Variants in CALCOCO2 observed in about 807,000 individuals in gnomAD.
CALCOCO2 encodes calcium binding and coiled-coil domain 2.
A neutral mutation model predicts 62.5 loss-of-function variants in CALCOCO2; 42 were observed. That is an observed-to-expected ratio of 0.67 (90% CI 0.53 to 0.87). CALCOCO2 has a LOEUF of 0.87. Ranked by LOEUF, CALCOCO2 falls within the 40% of genes least tolerant of loss-of-function variation. CALCOCO2 has a pLI of 0.00. For missense variants in CALCOCO2, 456 were observed against 515.0 expected (o/e 0.89, Z 1.11); for synonymous variants, 167 against 173.0 (o/e 0.97, Z 0.27).
chr17:48,839,720 A>G (rs1025560750), intron 1 of CALCOCO2, among the ~76,000 whole-genome samples: 22 of 113,748 alleles, frequency 1.9e-4, no homozygotes, highest in African/African-American at 7.4e-4. Flanking sequence ...CTTCTTGCCC[A>G]GGCTAGAGTG....
chr17:48,846,071 C>T (rs759588702), intron 2 of CALCOCO2: 1 of 1,472,728 alleles, frequency 6.8e-7, no homozygotes, highest in South Asian at 1.2e-5. Flanking sequence ...CTCATCACCC[C>T]AGACACTGGT....
At chr17:48,835,014 C>T (rs1396257268) in intron 1 of CALCOCO2, among the ~76,000 whole-genome samples, 1 of 151,540 alleles carries the variant, frequency 6.6e-6, no homozygotes, top group Non-Finnish European at 1.5e-5. Context: ...CCACTGTACT[C>T]CAGCCTGGGT....
chr17:48,847,305 C>T (rs1312547900), intron 2 of CALCOCO2, among the ~76,000 whole-genome samples: 1 of 152,050 alleles, frequency 6.6e-6, no homozygotes, highest in African/African-American at 2.4e-5. Flanking sequence ...CAATAGAGGA[C>T]ACACCAATAG....
At chr17:48,837,587 A>G (rs1450842490) in intron 1 of CALCOCO2, among the ~76,000 whole-genome samples, 3 of 152,138 alleles carry the variant, frequency 2.0e-5, no homozygotes, top group Non-Finnish European at 4.4e-5. Flanking sequence ...CGGAGGTTGC[A>G]GTGAGCTGAG....
At chr17:48,844,302 T>G (rs1483266283) in intron 2 of CALCOCO2, among the ~76,000 whole-genome samples, 1 of 152,176 alleles carries the variant, frequency 6.6e-6, no homozygotes, top group Non-Finnish European at 1.5e-5. Context: ...GATTCAAAAA[T>G]TACTTACCAG....
At chr17:48,835,725 CTT>C (rs2039880975) in intron 1 of CALCOCO2, among the ~76,000 whole-genome samples, 1 of 442 alleles carries the variant, frequency 2.3e-3, no homozygotes, top group Non-Finnish European at 0.017. Context: ...GGTTGTTTTT[CTT>C]TTCTTTTCTT....
rs1226127478 is a variant in CALCOCO2, at chr17:48,854,396, A to ATT, written c.912+1412_912+1413dup. Among the ~76,000 whole-genome samples, 19 of 1,918 alleles carry ATT rather than the reference A, an allele frequency of 9.9e-3. 4 individuals are homozygous for ATT. Among genetic ancestry groups the ATT allele is most frequent in the African/African-American group, 0.014 (17 of 1,216 alleles). The allele number at this position is 1,918 out of a possible 152,430, so 1.3% of individuals were successfully genotyped here. ...TTTTCTTTTATTTATATATATATAT[A>ATT]TTTTTTTTTTTTTTTTTTTTTTTTT... is the stretch of plus-strand genomic sequence containing the variant. On this transcript the variant is annotated intron_variant, in intron 9 of 12. Transcript: ENST00000258947.
chr17:48,858,049 T>TAGAATAGAAG, intron 10 of CALCOCO2, among the ~76,000 whole-genome samples: 1 of 113,768 alleles, frequency 8.8e-6, no homozygotes, highest in South Asian at 3.0e-4. Flanking sequence ...GAATAGAAAA[T>TAGAATAGAAG]AGAATAGAAT....
Position 48,841,750 on chromosome 17 carries a change from C to T in CALCOCO2, c.43C>T (p.Leu15=). ...AGATCCCCCCACATCAGCTGTCTTGCTGGATCACTGTCATTTCTCTCAGGT... is the reference window on the plus strand; with the variant it reads ...AGATCCCCCCACATCAGCTGTCTTGTTGGATCACTGTCATTTCTCTCAGGT... ...IKDPPTSAVL[L]DHCHFSQVIF... Residue 15 remains leucine (L), a synonymous_variant, in exon 2 of 13, where the codon CTG becomes TTG. Coordinates refer to ENST00000258947, the MANE Select transcript of CALCOCO2 (RefSeq NM_005831.5). 6.2e-7 allele frequency: 1 copy of T among 1,613,426 alleles called. No individual in the cohort carries two copies. The highest frequency in any genetic ancestry group is 8.5e-7 in the Non-Finnish European group (1 of 1,179,568).
At position 48,849,542 on chromosome 17, in the gene CALCOCO2, G is replaced by C. The variant is rs573657920; in HGVS notation, c.543+165G>C. ...TTTGTTTGAAATGGAGTCTCACTGT[G>C]TCACCCAGGCTGGAGTGCAAGGGTG... On this transcript the variant is annotated intron_variant, in intron 5 of 12. Transcript: ENST00000258947. Among the ~76,000 whole-genome samples the C allele has an allele frequency of 3.3e-5, 5 of 152,228 alleles. No individual in the cohort carries two copies. In the East Asian group the frequency reaches 5.8e-4, roughly 18 times the overall value.
Position 48,848,054 on chromosome 17 carries a change from G to GTCAT in CALCOCO2, c.181-8_181-5dup. 6.5e-7 allele frequency: 1 copy of GTCAT among 1,541,222 alleles called. No individual in the cohort carries two copies. The highest frequency in any genetic ancestry group is 9.0e-7 in the Non-Finnish European group (1 of 1,114,918). On this transcript the variant is annotated splice_polypyrimidine_tract_variant and intron_variant, in intron 2 of 12. Coordinates refer to ENST00000258947, the MANE Select transcript of CALCOCO2 (RefSeq NM_005831.5). ...TTCAGGTACTAAATAAGAACTTCTT[G>GTCAT]TCATTGCAGGTGGGGTGGAAGACAA...
intron 4 of CALCOCO2, chr17:48,848,885 C>T (rs1397807236): frequency 4.2e-6 from 2 of 477,948 alleles, no homozygotes; most frequent in African/African-American, 2.0e-5. Context: ...ACTTTTCATC[C>T]AGCACTATGG....
At chr17:48,834,106 CAAAAAAAAAAAAA>C (rs59633969) in intron 1 of CALCOCO2, among the ~76,000 whole-genome samples, 1 of 69,790 alleles carries the variant, frequency 1.4e-5, no homozygotes, top group Non-Finnish European at 2.9e-5. Flanking sequence ...GACCCTATGT[CAAAAAAAAAAAAA>C]AAAAAAAAAA....
chr17:48,856,527 G>T, intron 10 of CALCOCO2: 1 of 459,966 alleles, frequency 2.2e-6, no homozygotes, highest in Non-Finnish European at 4.4e-6. Flanking sequence ...TGCTAGTGGG[G>T]AACTCCTTTT....
chr17:48,849,112 G>C, intron 4 of CALCOCO2, 140 bp from the exon 5 acceptor site: 1 of 725,826 alleles, frequency 1.4e-6, no homozygotes, highest in Non-Finnish European at 2.4e-6. Context: ...CCTTACCTAG[G>C]TATTAAGGAG....
At chr17:48,852,099 C>T (rs867761068) in intron 7 of CALCOCO2, among the ~76,000 whole-genome samples, 1 of 151,064 alleles carries the variant, frequency 6.6e-6, no homozygotes, top group African/African-American at 2.4e-5. Flanking sequence ...GATTGCACCA[C>T]TGCACTCCAG....
At chr17:48,856,744 T>C (rs974393922) in intron 10 of CALCOCO2, 2 of 397,394 alleles carry the variant, frequency 5.0e-6, no homozygotes, top group Non-Finnish European at 9.9e-6. Flanking sequence ...GTGGTTGTAC[T>C]TGAAGTCAAG....
At chr17:48,842,697 G>A (rs1435229034) in intron 2 of CALCOCO2, 3 of 150,938 alleles carry the variant, frequency 2.0e-5, no homozygotes, top group Non-Finnish European at 2.9e-5. Flanking sequence ...CTGAAGTACA[G>A]TGGTGCAATC....
Position 48,860,439 on chromosome 17 carries a change from C to T in CALCOCO2, c.1134C>T (p.Asn378=). Residue 378 remains asparagine, a synonymous_variant, in exon 11 of 13, where the codon AAC becomes AAT. Transcript: ENST00000258947. The part of the protein sequence containing the change: ...ARQNPGLAYG[N]PYSGIQESSS... ...AAAATCCAGGACTTGCCTATGGAAACCCATATTCTGGTAAGACAACTTTCC... is the reference window on the plus strand; with the variant it reads ...AAAATCCAGGACTTGCCTATGGAAATCCATATTCTGGTAAGACAACTTTCC... The T allele has an allele frequency of 6.2e-7, 1 of 1,613,826 alleles. No individual in the cohort carries two copies. Among genetic ancestry groups the T allele is most frequent in the East Asian group, 2.2e-5 (1 of 44,886 alleles).
Sources: gnomAD v4.1 joint callset for allele counts (sites outside exome capture counted in the v4.1 genomes callset) on GRCh38, gnomAD v4.1.1 for gene constraint, MANE v1.5 for transcripts, NCBI Gene and HGNC (gene_info 2026-07-23, HGNC 2026-07-21) for gene names.